Variants in PEPD observed in about 807,000 individuals in gnomAD.
The protein encoded by PEPD is xaa-Pro dipeptidase.
PEPD carries 53 observed loss-of-function variants against 60.7 expected under a neutral mutation model. The ratio of observed to expected loss-of-function variants is 0.87; its 90% CI spans 0.70 to 1.10. PEPD has a LOEUF of 1.10. PEPD is among the 50% of genes least tolerant of loss of function. PEPD has a pLI of 0.00. For missense variants in PEPD, 711 were observed against 711.9 expected (o/e 1.00, Z 0.01); for synonymous variants, 267 against 284.1 (o/e 0.94, Z 0.60).
At chr19:33,491,999 A>C (rs961165480) in intron 5 of PEPD, among the ~76,000 whole-genome samples, 11 of 151,008 alleles carry the variant, frequency 7.3e-5, no homozygotes, top group African/African-American at 2.7e-4. Context: ...CGGGGAGGAA[A>C]GTCTTTGAAG....
At chr19:33,414,678 G>C (rs1968851293) in intron 9 of PEPD, among the ~76,000 whole-genome samples, 2 of 147,534 alleles carry the variant, frequency 1.4e-5, no homozygotes, top group East Asian at 4.1e-4. Flanking sequence ...GCCTGCCTTA[G>C]AGAACGTCCA....
chr19:33,419,564 A>G (rs1034427074), intron 9 of PEPD, among the ~76,000 whole-genome samples: 4 of 152,180 alleles, frequency 2.6e-5, no homozygotes, highest in Non-Finnish European at 5.9e-5. Context: ...CCGACTGCAA[A>G]GCTTATGGTT....
intron 9 of PEPD, among the ~76,000 whole-genome samples, chr19:33,456,576 C>T (rs1350604964): frequency 6.6e-6 from 1 of 152,182 alleles, no homozygotes; most frequent in African/African-American, 2.4e-5. Flanking sequence ...TCTGAAGGGG[C>T]CCTCTTCTCT....
chr19:33,459,609 T>C (rs1051494167), intron 9 of PEPD, among the ~76,000 whole-genome samples: 1 of 152,040 alleles, frequency 6.6e-6, no homozygotes, highest in African/African-American at 2.4e-5. Context: ...TTCATTCCTC[T>C]GAACCCTCAA....
intron 9 of PEPD, among the ~76,000 whole-genome samples, chr19:33,442,948 C>T (rs1409807843): frequency 6.6e-6 from 1 of 152,180 alleles, no homozygotes; most frequent in Non-Finnish European, 1.5e-5. Context: ...GCCTTTCCTC[C>T]ACCGCTGCCT....
intron 3 of PEPD, among the ~76,000 whole-genome samples, chr19:33,506,147 CACAT>C (rs1970802349): frequency 6.8e-6 from 1 of 146,670 alleles, no homozygotes. Flanking sequence ...CACAACACAG[CACAT>C]TCACACCCAC....
Position 33,388,639 on chromosome 19 carries a change from G to A in PEPD, c.1153-558C>T, listed in dbSNP as rs1402125740. The A allele has an allele frequency of 1.2e-4, 25 of 211,798 alleles. No individual in the cohort carries two copies. The South Asian group carries it at 2.0e-3, about 17-fold the overall frequency. 13.1% of individuals were successfully genotyped at this position (211,798 alleles called of 1,614,324 possible). ...CATCAGGGTGGGTCTGCCAGCCTTAGTGCGCCAGTGCAAATGTGCCGTGTG... is the reference window on the plus strand; with the variant it reads ...CATCAGGGTGGGTCTGCCAGCCTTAATGCGCCAGTGCAAATGTGCCGTGTG... On this transcript the variant is annotated intron_variant, in intron 13 of 14. Coordinates refer to ENST00000244137, the MANE Select transcript of PEPD (RefSeq NM_000285.4).
At chr19:33,451,114 A>T (rs1969690880) in intron 9 of PEPD, among the ~76,000 whole-genome samples, 1 of 152,224 alleles carries the variant, frequency 6.6e-6, no homozygotes, top group African/African-American at 2.4e-5. Context: ...CTGCAGGGGT[A>T]GTCACGGAGC....
At chr19:33,482,005 G>A (rs749635945) in intron 6 of PEPD, among the ~76,000 whole-genome samples, 10 of 151,982 alleles carry the variant, frequency 6.6e-5, no homozygotes, top group Admixed American at 1.3e-4. Context: ...GGGAGATAGA[G>A]AGACTCCATC....
At chr19:33,431,663 G>C (rs73588250) in intron 9 of PEPD, among the ~76,000 whole-genome samples, 3 of 152,036 alleles carry the variant, frequency 2.0e-5, no homozygotes, top group Non-Finnish European at 4.4e-5. Context: ...CTAGTGGAGG[G>C]ACCACTCTTT....
At chr19:33,423,439 C>G (rs1290712357) in intron 9 of PEPD, among the ~76,000 whole-genome samples, 1 of 152,196 alleles carries the variant, frequency 6.6e-6, no homozygotes. Flanking sequence ...ATTTCCAATT[C>G]TCAGGGCATG....
chr19:33,390,136 GC>G (rs975465230), intron 13 of PEPD, among the ~76,000 whole-genome samples: 2 of 152,252 alleles, frequency 1.3e-5, no homozygotes, highest in African/African-American at 2.4e-5. Context: ...TATAGGAAAA[GC>G]CATATTTTTT....
At position 33,410,414 on chromosome 19, in the gene PEPD, C is replaced by G; in HGVS notation, c.818+1258G>C. 2.6e-5 allele frequency among the ~76,000 whole-genome samples: 4 copies of G among 152,292 alleles called. No homozygotes were observed. The Middle Eastern group carries it at 0.014, about 518-fold the overall frequency. ...TACTCGGCCCTGACAGCTCAACGCT[C>G]GGCAGCTCTCTGGGCAGCTGGTTGT... On this transcript the variant is annotated intron_variant, in intron 11 of 14. Coordinates refer to ENST00000244137, the MANE Select transcript of PEPD (RefSeq NM_000285.4).
intron 4 of PEPD, 62 bp downstream of exon 4, chr19:33,500,876 C>A: frequency 1.1e-6 from 1 of 935,450 alleles, no homozygotes; most frequent in East Asian, 2.4e-5. Flanking sequence ...AGGAGAGGAA[C>A]TCCAGGAGTG....
At chr19:33,494,059 C>T (rs1970550397) in intron 4 of PEPD, among the ~76,000 whole-genome samples, 1 of 152,232 alleles carries the variant, frequency 6.6e-6, no homozygotes, top group African/African-American at 2.4e-5. Context: ...TCACTCCCTC[C>T]TCTACTGCCC....
Position 33,500,952 on chromosome 19 carries a change from G to T in PEPD, c.379C>A (p.Gln127Lys). The T allele has an allele frequency of 6.2e-7, 1 of 1,600,184 alleles. No individual in the cohort carries two copies. Among genetic ancestry groups the T allele is most frequent in the Non-Finnish European group, 8.6e-7 (1 of 1,167,594 alleles). ...CGGCTACCCACCTCATCTACGTACT[G>T]GACGTCGTCCACGGCATACTTCTCC... The part of the protein sequence containing the change: ...FKEKYAVDDV[Q>K]YVDEIASVLT... The change falls in exon 4 of 15, where the codon CAG becomes AAG. Residue 127 changes from glutamine (Q) to lysine (K), a missense_variant. Physicochemically the swap from Gln to Lys is moderately conservative, Grantham distance 53. Coordinates refer to ENST00000244137, the MANE Select transcript of PEPD (RefSeq NM_000285.4).
At chr19:33,435,046 G>A (rs1969348196) in intron 9 of PEPD, among the ~76,000 whole-genome samples, 1 of 152,216 alleles carries the variant, frequency 6.6e-6, no homozygotes, top group African/African-American at 2.4e-5. Context: ...GATGCCAGAG[G>A]AAGACGAGGG....
At chr19:33,425,929 C>A (rs963902707) in intron 9 of PEPD, among the ~76,000 whole-genome samples, 1 of 152,226 alleles carries the variant, frequency 6.6e-6, no homozygotes, top group Non-Finnish European at 1.5e-5. Flanking sequence ...CCTGCCTCAG[C>A]CTCCTGAGTA....
chr19:33,445,275 A>C (rs1568475005), intron 9 of PEPD, among the ~76,000 whole-genome samples: 1 of 152,236 alleles, frequency 6.6e-6, no homozygotes, highest in East Asian at 1.9e-4. Flanking sequence ...GAACCTACAG[A>C]TAAGGCACCA....
Sources: allele counts gnomAD v4.1 joint callset (sites outside exome capture counted in the v4.1 genomes callset), GRCh38; gene constraint gnomAD v4.1.1; transcripts MANE v1.5; gene names NCBI Gene and HGNC (gene_info 2026-07-23, HGNC 2026-07-21).